Variants in EPHB1 observed in about 807,000 individuals in gnomAD.
EPHB1 encodes EPH receptor B1.
EPHB1 carries 30 observed loss-of-function variants against 94.4 expected under a neutral mutation model. The observed-to-expected ratio is 0.32, with a 90% CI of 0.24 to 0.43. EPHB1 has a LOEUF of 0.43. Among genes scored for constraint, EPHB1 ranks in the 20% least tolerant of loss-of-function variants. The probability of loss-of-function intolerance (pLI) is 1.00; values close to 1 mark genes in which losing one functional copy is unlikely to be tolerated. For synonymous variants in EPHB1, 522 were observed against 489.1 expected (o/e 1.07, Z -0.89); for missense variants, 1,055 against 1,308.3 (o/e 0.81, Z 2.99).
intron 2 of EPHB1, among the ~76,000 whole-genome samples, chr3:134,941,752 GACACACACAC>G (rs3067391): frequency 0.11 from 15,100 of 134,762 alleles, 1,115 homozygotes; most frequent in African/African-American, 0.22. Flanking sequence ...TATGCACACA[GACACACACAC>G]ACACACACAC....
At chr3:134,958,046 C>T (rs942527823) in intron 3 of EPHB1, among the ~76,000 whole-genome samples, 4 of 152,156 alleles carry the variant, frequency 2.6e-5, no homozygotes, top group African/African-American at 9.7e-5. Flanking sequence ...GCTTGCTGTC[C>T]TCTCCTTCCT....
At chr3:135,100,588 C>A (rs1938999698) in intron 3 of EPHB1, among the ~76,000 whole-genome samples, 1 of 152,318 alleles carries the variant, frequency 6.6e-6, no homozygotes, top group South Asian at 2.1e-4. Context: ...TTATCTCAAT[C>A]ACTGCACTGT....
intron 4 of EPHB1, among the ~76,000 whole-genome samples, chr3:135,131,528 A>G (rs1248106071): frequency 6.6e-6 from 1 of 152,148 alleles, no homozygotes. Flanking sequence ...GCTTCCGGGC[A>G]GGATTCATTT....
In EPHB1 at chr3:135,201,696, CCTT is replaced by C. The variant is rs750112516; in HGVS notation, c.2346+11_2346+13del. The C allele has an allele frequency of 2.5e-6, 4 of 1,612,298 alleles. No homozygotes were observed. In the South Asian group the frequency reaches 3.3e-5, roughly 13 times the overall value. ...CACCTACACCAGCTCCTTGGTGAGTCCTTCTTGGCATTCTCAAGTAGAAGCATG... is the reference window on the plus strand; with the variant it reads ...CACCTACACCAGCTCCTTGGTGAGTCCTTGGCATTCTCAAGTAGAAGCATG... On this transcript the variant is annotated splice_region_variant and intron_variant, in intron 12 of 15. Coordinates refer to ENST00000398015, the MANE Select transcript of EPHB1 (RefSeq NM_004441.5).
intron 1 of EPHB1, among the ~76,000 whole-genome samples, chr3:134,839,068 G>A (rs1003057641): frequency 6.6e-5 from 10 of 152,158 alleles, no homozygotes; most frequent in African/African-American, 1.7e-4. Flanking sequence ...TGTATCAAGC[G>A]TTTTATATAT....
chr3:135,119,426 T>C (rs1939855389), intron 4 of EPHB1, among the ~76,000 whole-genome samples: 1 of 151,684 alleles, frequency 6.6e-6, no homozygotes, highest in African/African-American at 2.4e-5. Context: ...AACACTCTCT[T>C]ATACTTTCTT....
intron 12 of EPHB1, among the ~76,000 whole-genome samples, chr3:135,231,598 T>C (rs1943532939): frequency 6.6e-6 from 1 of 152,238 alleles, no homozygotes; most frequent in South Asian, 2.1e-4. Context: ...ATTGTAAATC[T>C]TTCCATTTGT....
intron 1 of EPHB1, among the ~76,000 whole-genome samples, chr3:134,799,223 C>A (rs888978806): frequency 7.9e-5 from 12 of 152,142 alleles, no homozygotes; most frequent in Non-Finnish European, 4.4e-5. Flanking sequence ...TGGAAAACCC[C>A]AAACTAAGCC....
chr3:134,832,181 G>C (rs1242785883), intron 1 of EPHB1, among the ~76,000 whole-genome samples: 1 of 152,212 alleles, frequency 6.6e-6, no homozygotes, highest in Non-Finnish European at 1.5e-5. Flanking sequence ...TGTTTATCAG[G>C]AATTCAAATT....
At chr3:135,064,338 G>A (rs973561389) in intron 3 of EPHB1, among the ~76,000 whole-genome samples, 2 of 151,890 alleles carry the variant, frequency 1.3e-5, no homozygotes, top group African/African-American at 2.4e-5. Flanking sequence ...GGGCTTTTTT[G>A]TTGTTGGTAA....
At chr3:135,206,887 A>G (rs1036263835) in intron 12 of EPHB1, among the ~76,000 whole-genome samples, 2 of 152,066 alleles carry the variant, frequency 1.3e-5, no homozygotes, top group African/African-American at 4.8e-5. Context: ...AAAGCAAGTT[A>G]TCCTTCATTA....
intron 1 of EPHB1, among the ~76,000 whole-genome samples, chr3:134,868,453 G>A (rs558157853): frequency 1.0e-3 from 158 of 152,312 alleles, no homozygotes; most frequent in Non-Finnish European, 1.5e-3. Context: ...AGGATCTTAT[G>A]TTCTTCCAAG....
At chr3:134,944,165 G>A (rs951683323) in intron 2 of EPHB1, among the ~76,000 whole-genome samples, 3 of 152,184 alleles carry the variant, frequency 2.0e-5, no homozygotes, top group African/African-American at 7.2e-5. Context: ...ATACCTCTCT[G>A]TCTGTAGATT....
At chr3:135,252,045 A>T (rs981524077) in intron 15 of EPHB1, among the ~76,000 whole-genome samples, 1 of 152,054 alleles carries the variant, frequency 6.6e-6, no homozygotes, top group Non-Finnish European at 1.5e-5. Context: ...ATTATAAATA[A>T]TAATGCCCAT....
At chr3:134,939,958 A>G (rs1240788543) in intron 2 of EPHB1, among the ~76,000 whole-genome samples, 2 of 152,196 alleles carry the variant, frequency 1.3e-5, no homozygotes, top group African/African-American at 4.8e-5. Flanking sequence ...GATGTGTCCA[A>G]TTTTGTCTCC....
chr3:134,809,325 T>A (rs548107305), intron 1 of EPHB1, among the ~76,000 whole-genome samples: 1 of 152,206 alleles, frequency 6.6e-6, no homozygotes, highest in Admixed American at 6.5e-5. Context: ...TCCCTGCTCT[T>A]GGCTCCAACT....
At chr3:134,986,561 C>T (rs1057281645) in intron 3 of EPHB1, among the ~76,000 whole-genome samples, 3 of 152,142 alleles carry the variant, frequency 2.0e-5, no homozygotes, top group Non-Finnish European at 2.9e-5. Flanking sequence ...ATCCCATTTA[C>T]GCATCTGGAG....
intron 3 of EPHB1, among the ~76,000 whole-genome samples, chr3:135,002,149 T>C (rs1935207525): frequency 6.6e-6 from 1 of 152,198 alleles, no homozygotes; most frequent in African/African-American, 2.4e-5. Context: ...GAAAACAATA[T>C]TCAGTACTGA....
intron 1 of EPHB1, among the ~76,000 whole-genome samples, chr3:134,904,903 C>G (rs1483534585): frequency 6.6e-6 from 1 of 152,240 alleles, no homozygotes; most frequent in African/African-American, 2.4e-5. Context: ...TCTTTTACTT[C>G]TCTGCTTTAA....
Sources: allele counts gnomAD v4.1 joint callset (sites outside exome capture counted in the v4.1 genomes callset), GRCh38; gene constraint gnomAD v4.1.1; transcripts MANE v1.5; gene names NCBI Gene and HGNC (gene_info 2026-07-23, HGNC 2026-07-21).